Variants in SLC24A2 observed in about 807,000 individuals in gnomAD.
The protein encoded by SLC24A2 is sodium/potassium/calcium exchanger 2.
A neutral mutation model predicts 62.0 loss-of-function variants in SLC24A2; 36 were observed. The ratio of observed to expected loss-of-function variants is 0.58; its 90% CI spans 0.44 to 0.77. SLC24A2 has a LOEUF of 0.77. Among genes scored for constraint, SLC24A2 ranks in the 30% least tolerant of loss-of-function variants. The pLI is 0.00. For missense variants in SLC24A2, 846 were observed against 817.9 expected, an observed-to-expected ratio of 1.03 and a Z score of -0.42; for synonymous variants, 358 against 294.0, an observed-to-expected ratio of 1.22 and a Z score of -2.23.
At chr9:19,659,173 G>A (rs1819022853) in intron 2 of SLC24A2, among the ~76,000 whole-genome samples, 1 of 152,120 alleles carries the variant, frequency 6.6e-6, no homozygotes, top group African/African-American at 2.4e-5. Flanking sequence ...GACACACAGA[G>A]GGAATGAAGG....
chr9:19,874,210 G>GC, the SLC24A2 span, among the ~76,000 whole-genome samples: 1 of 151,540 alleles, frequency 6.6e-6, no homozygotes, highest in African/African-American at 2.4e-5. Flanking sequence ...CTCCTGAGTA[G>GC]CTGGGATGAC....
At chr9:19,581,609 T>G (rs1021768048) in intron 5 of SLC24A2, among the ~76,000 whole-genome samples, 4 of 152,212 alleles carry the variant, frequency 2.6e-5, no homozygotes, top group African/African-American at 9.6e-5. Flanking sequence ...GCTATCATTA[T>G]GGAAGTAGAT....
chr9:19,590,261 G>C (rs1007943784), intron 5 of SLC24A2, among the ~76,000 whole-genome samples: 1 of 152,118 alleles, frequency 6.6e-6, no homozygotes, highest in Non-Finnish European at 1.5e-5. Flanking sequence ...TCAACTTCCA[G>C]ACCCTCATAT....
At chr9:20,197,557 G>A in the SLC24A2 span, among the ~76,000 whole-genome samples, 9 of 146,062 alleles carry the variant, frequency 6.2e-5, no homozygotes, top group African/African-American at 1.0e-4. Context: ...TCACCCTCCC[G>A]AGTAGCTGAC....
chr9:19,574,676 T>C (rs10964223), intron 6 of SLC24A2, among the ~76,000 whole-genome samples: 11,497 of 152,220 alleles, frequency 0.076, 801 homozygotes, highest in East Asian at 0.31. Flanking sequence ...TATTTGGATC[T>C]TTATTATAGT....
chr9:20,081,594 C>T, the SLC24A2 span, among the ~76,000 whole-genome samples: 90 of 151,822 alleles, frequency 5.9e-4, no homozygotes, highest in African/African-American at 2.1e-3. Flanking sequence ...CAAACCTGCA[C>T]GTTGTGCACG....
At chr9:19,543,315 C>G (rs1053519841) in intron 8 of SLC24A2, among the ~76,000 whole-genome samples, 1 of 151,556 alleles carries the variant, frequency 6.6e-6, no homozygotes, top group African/African-American at 2.4e-5. Context: ...TGATTCTTCT[C>G]TCTTTTCTTT....
the SLC24A2 span, among the ~76,000 whole-genome samples, chr9:19,810,815 T>C: frequency 6.6e-6 from 1 of 152,000 alleles, no homozygotes; most frequent in Non-Finnish European, 1.5e-5. Context: ...ATGTGTGAGG[T>C]CCAAAGAAAG....
the SLC24A2 span, among the ~76,000 whole-genome samples, chr9:20,102,778 C>T: frequency 2.0e-4 from 30 of 152,050 alleles, no homozygotes; most frequent in East Asian, 2.1e-3. Context: ...ACACAGAAGA[C>T]GGGTGATTTC....
At chr9:20,274,512 G>C in the SLC24A2 span, among the ~76,000 whole-genome samples, 2 of 152,146 alleles carry the variant, frequency 1.3e-5, no homozygotes, top group Admixed American at 6.5e-5. Flanking sequence ...GGGAAAAAGA[G>C]GAGGAACTAT....
At chr9:20,022,196 G>A in the SLC24A2 span, among the ~76,000 whole-genome samples, 16 of 152,048 alleles carry the variant, frequency 1.1e-4, no homozygotes, top group Admixed American at 8.5e-4. Flanking sequence ...AATGCATCTT[G>A]TATCTTTTAA....
chr9:20,058,752 T>A, the SLC24A2 span, among the ~76,000 whole-genome samples: 1 of 152,222 alleles, frequency 6.6e-6, no homozygotes, highest in African/African-American at 2.4e-5. Flanking sequence ...GGCAACAGGG[T>A]GAAACCCTGT....
chr9:19,775,243 AC>A (rs1209570901), intron 2 of SLC24A2, among the ~76,000 whole-genome samples: 4 of 152,190 alleles, frequency 2.6e-5, no homozygotes, highest in Admixed American at 2.0e-4. Context: ...AAGGAAACCC[AC>A]CTAATCTAAA....
chr9:19,898,170 C>A, the SLC24A2 span, among the ~76,000 whole-genome samples: 1 of 152,156 alleles, frequency 6.6e-6, no homozygotes, highest in East Asian at 1.9e-4. Flanking sequence ...AGAAGCCTAG[C>A]ATGTCTAGCT....
At chr9:19,873,104 A>C in the SLC24A2 span, among the ~76,000 whole-genome samples, 1 of 152,206 alleles carries the variant, frequency 6.6e-6, no homozygotes, top group Non-Finnish European at 1.5e-5. Context: ...AAGAAGCAGT[A>C]TGGCTTTAGT....
chr9:20,302,929 C>T, the SLC24A2 span, among the ~76,000 whole-genome samples: 1 of 152,268 alleles, frequency 6.6e-6, no homozygotes, highest in South Asian at 2.1e-4. Context: ...GATAATTGTG[C>T]ACTTTTTGGA....
the SLC24A2 span, among the ~76,000 whole-genome samples, chr9:20,034,667 A>G: frequency 6.6e-6 from 1 of 151,720 alleles, no homozygotes; most frequent in African/African-American, 2.4e-5. Flanking sequence ...ACGGGGTTTC[A>G]CCGTGTTAGC....
the SLC24A2 span, among the ~76,000 whole-genome samples, chr9:19,973,927 A>G: frequency 6.6e-6 from 1 of 152,184 alleles, no homozygotes. Context: ...TTCCCTATAG[A>G]AAAAGTGTAA....
the SLC24A2 span, among the ~76,000 whole-genome samples, chr9:19,981,269 T>C: frequency 1.3e-5 from 2 of 152,194 alleles, no homozygotes; most frequent in South Asian, 2.1e-4. Flanking sequence ...TCAAAGAACA[T>C]TTCATTGAGC....
Sources: gnomAD v4.1 joint callset for allele counts (sites outside exome capture counted in the v4.1 genomes callset) on GRCh38, gnomAD v4.1.1 for gene constraint, MANE v1.5 for transcripts, NCBI Gene and HGNC (gene_info 2026-07-23, HGNC 2026-07-21) for gene names.